Variants in TCAF1 observed in about 807,000 individuals in gnomAD.
TCAF1 encodes the protein TRPM8 channel associated factor 1.
TCAF1 carries 4 observed loss-of-function variants against 27.3 expected under a neutral mutation model. That is an observed-to-expected ratio of 0.15 (90% CI 0.07 to 0.34). The LOEUF (loss-of-function observed/expected upper bound fraction) is 0.34, where lower values mean the gene tolerates loss of function less well. TCAF1 is among the 10% of genes least tolerant of loss of function. The probability of loss-of-function intolerance (pLI) is 1.00; values close to 1 mark genes in which losing one functional copy is unlikely to be tolerated. For missense variants in TCAF1, 257 were observed against 425.8 expected (o/e 0.60, Z 3.49); for synonymous variants, 105 against 167.1 (o/e 0.63, Z 2.87).
Position 143,896,716 on chromosome 7 carries a change from A to C in TCAF1, c.-15+5245T>G, listed in dbSNP as rs1227744502. On this transcript the variant is annotated intron_variant, in intron 1 of 8. Transcript: ENST00000479870. ...AAAAAATTCATGTCTCAAAGAACAG[A>C]CTATAAGGAAAATTATAAATAATTA... Among the ~76,000 whole-genome samples the C allele has an allele frequency of 2.6e-5, 4 of 152,212 alleles. No homozygotes were observed. In the East Asian group the frequency reaches 7.7e-4, roughly 29 times the overall value.
intron 1 of TCAF1, chr7:143,885,423 C>G: frequency 2.0e-6 from 2 of 985,438 alleles, no homozygotes; most frequent in Non-Finnish European, 2.4e-6. Flanking sequence ...GGAGGCGGAG[C>G]TTGGCCGCCG....
At chr7:143,877,382 G>T (rs763778525) in intron 1 of TCAF1, among the ~76,000 whole-genome samples, 3 of 152,176 alleles carry the variant, frequency 2.0e-5, no homozygotes, top group Non-Finnish European at 4.4e-5. Context: ...CCAGCTTGGA[G>T]AACTCAGAAC....
At chr7:143,859,203 C>G (rs1291687406) in intron 6 of TCAF1, 42 bp from the exon 7 acceptor site, 1 of 1,562,434 alleles carries the variant, frequency 6.4e-7, no homozygotes, top group Non-Finnish European at 8.8e-7. Flanking sequence ...TAGGGTCCTC[C>G]CCATTTAAGT....
rs1025740894 is a variant in TCAF1 at position 143,876,020 on chromosome 7, T to C, written c.589A>G (p.Lys197Glu). The change falls in exon 2 of 9, where the codon AAG becomes GAG. Residue 197 changes from lysine to glutamate, a missense_variant. Coordinates refer to ENST00000479870, the MANE Select transcript of TCAF1 (RefSeq NM_014719.3). ...KGDTSFFKVSKKMPKIPVLVS... is the reference protein window; with the variant it reads ...KGDTSFFKVSEKMPKIPVLVS... ...AACACTGGGATCTTGGGCATCTTCT[T>C]GGAGACTTTAAAGAAACTCGTGTCC... 1 of 1,570,380 alleles carries C rather than the reference T, an allele frequency of 6.4e-7. No individual in the cohort carries two copies. The highest frequency in any genetic ancestry group is 8.6e-7 in the Non-Finnish European group (1 of 1,157,076).
At chr7:143,885,648 A>G (rs1161235861) in intron 1 of TCAF1, 1 of 734,650 alleles carries the variant, frequency 1.4e-6, no homozygotes, top group East Asian at 1.3e-4. Context: ...GATGGGTTAA[A>G]TCTACTTATA....
intron 1 of TCAF1, chr7:143,885,093 C>T (rs1164022633): frequency 1.0e-6 from 1 of 985,448 alleles, no homozygotes; most frequent in Non-Finnish European, 1.2e-6. Context: ...AGGACCCCGA[C>T]CCAGTGCCTC....
intron 1 of TCAF1, chr7:143,885,610 T>C (rs1813363669): frequency 1.0e-6 from 1 of 956,658 alleles, no homozygotes; most frequent in South Asian, 4.8e-5. Flanking sequence ...ATGATCTCTG[T>C]GTAAAATAAT....
intron 1 of TCAF1, 112 bp from the exon 2 acceptor site, chr7:143,876,734 G>T: frequency 2.6e-6 from 2 of 760,490 alleles, no homozygotes; most frequent in Non-Finnish European, 3.8e-6. Context: ...ATGCAGATGA[G>T]GCTGACACTG....
intron 2 of TCAF1, among the ~76,000 whole-genome samples, chr7:143,866,427 C>CA (rs1310092009): frequency 2.6e-5 from 3 of 117,006 alleles, no homozygotes; most frequent in Non-Finnish European, 3.7e-5. Context: ...ACTAAAAATA[C>CA]AAAAAATTAG....
chr7:143,890,189 A>G (rs1813580311), intron 1 of TCAF1, among the ~76,000 whole-genome samples: 1 of 151,700 alleles, frequency 6.6e-6, no homozygotes, highest in Non-Finnish European at 1.5e-5. Context: ...TTTTTAGTAG[A>G]GACAGGGTTT....
At chr7:143,885,276 A>G in intron 1 of TCAF1, 3 of 985,454 alleles carry the variant, frequency 3.0e-6, no homozygotes, top group Non-Finnish European at 3.6e-6. Context: ...AGATGTGGGA[A>G]GGCGCTGGGG....
At chr7:143,895,491 G>A (rs1161562055) in intron 1 of TCAF1, among the ~76,000 whole-genome samples, 2 of 151,790 alleles carry the variant, frequency 1.3e-5, no homozygotes, top group Non-Finnish European at 3.0e-5. Context: ...TTATTTTTGA[G>A]AGTGAAAATT....
intron 1 of TCAF1, among the ~76,000 whole-genome samples, chr7:143,900,670 GTTTT>G (rs144698201): frequency 0.01 from 1,589 of 152,268 alleles, 29 homozygotes; most frequent in African/African-American, 0.036. Context: ...AACAGGACTT[GTTTT>G]GTTTGTTCGC....
In TCAF1 at chr7:143,902,068, AG is replaced by A. The variant is rs1373403292; in HGVS notation, c.-123del. Reference sequence around the variant, plus strand: ...CCCTGCAGCGCGGGTTCGGGGCAGTAGCAACCTGCTAGGAGCGGGAGGCGGT... The same window carrying A: ...CCCTGCAGCGCGGGTTCGGGGCAGTACAACCTGCTAGGAGCGGGAGGCGGT... On this transcript the variant is annotated 5_prime_UTR_variant, in exon 1 of 9. Transcript: ENST00000479870. 2 of 152,406 alleles carry A rather than the reference AG, an allele frequency of 1.3e-5. No individual in the cohort carries two copies. The highest frequency in any genetic ancestry group is 2.1e-4 in the South Asian group (1 of 4,838). The allele number at this position is 152,406 out of a possible 1,614,324, so 9.4% of individuals were successfully genotyped here.
chr7:143,895,193 T>A (rs994715173), intron 1 of TCAF1, among the ~76,000 whole-genome samples: 1 of 151,838 alleles, frequency 6.6e-6, no homozygotes, highest in Non-Finnish European at 1.5e-5. Context: ...AGATGTATGT[T>A]CATGAGAAGT....
intron 2 of TCAF1, among the ~76,000 whole-genome samples, chr7:143,872,223 A>C (rs1812490727): frequency 6.6e-6 from 1 of 151,778 alleles, no homozygotes; most frequent in African/African-American, 2.4e-5. Flanking sequence ...CCTATATCTT[A>C]AAAAATCTAA....
At chr7:143,872,488 A>AT (rs1188837549) in intron 2 of TCAF1, among the ~76,000 whole-genome samples, 1 of 131,502 alleles carries the variant, frequency 7.6e-6, no homozygotes, top group Non-Finnish European at 1.7e-5. Flanking sequence ...CTTATGCAGC[A>AT]TATGTGGCAA....
At position 143,883,752 on chromosome 7, in the gene TCAF1, G is replaced by T. The variant is rs188168498; in HGVS notation, c.-14-7130C>A. ...ATCACTGACCTCAAGTGATCCGCCC[G>T]CCTCGGCCTCCCAAAGTGTTGGGAT... On this transcript the variant is annotated intron_variant, in intron 1 of 8. Transcript: ENST00000479870. 4.6e-5 allele frequency among the ~76,000 whole-genome samples: 7 copies of T among 152,184 alleles called. No homozygotes were observed. In the East Asian group the frequency reaches 9.7e-4, roughly 21 times the overall value.
chr7:143,889,398 C>T (rs765684002), intron 1 of TCAF1, among the ~76,000 whole-genome samples: 1 of 152,162 alleles, frequency 6.6e-6, no homozygotes, highest in Non-Finnish European at 1.5e-5. Context: ...AAAGACATCT[C>T]AATTGGTTCA....
Sources: allele counts gnomAD v4.1 joint callset (sites outside exome capture counted in the v4.1 genomes callset), GRCh38; gene constraint gnomAD v4.1.1; transcripts MANE v1.5; gene names NCBI Gene and HGNC (gene_info 2026-07-23, HGNC 2026-07-21).